Variants in OR52E5 observed in about 807,000 individuals in gnomAD.
OR52E5 encodes olfactory receptor 52E5.
intron 1 of OR52E5, among the ~76,000 whole-genome samples, chr11:5,893,483 AAGGAAGAAAAGC>A (rs1479215610): frequency 6.6e-6 from 1 of 152,164 alleles, no homozygotes; most frequent in African/African-American, 2.4e-5. Flanking sequence ...GGACATGATA[AAGGAAGAAAAGC>A]AGTAAACAAA....
In OR52E5 at chr11:5,901,699, C is replaced by T. The variant is rs941495345; in HGVS notation, c.923C>T (p.Pro308Leu). Residue 308 changes from proline to leucine, a missense_variant, in exon 3 of 3, where the codon CCT becomes CTT. Physicochemically the swap from Pro to Leu is moderately conservative, Grantham distance 98. Coordinates refer to ENST00000610445, the MANE Select transcript of OR52E5 (RefSeq NM_001005166.5). Reference protein sequence around the residue: ...IREQVLRILNPKSFWHFDPKR... With the variant: ...IREQVLRILNLKSFWHFDPKR... ...GAGCAGGTACTTAGGATACTCAACC[C>T]TAAAAGCTTTTGGCATTTTGACCCC... The T allele has an allele frequency of 2.5e-6, 1 of 400,874 alleles. No individual in the cohort carries two copies. The highest frequency in any genetic ancestry group is 4.4e-6 in the Non-Finnish European group (1 of 226,222). The allele number at this position is 400,874 out of a possible 1,614,324, so 24.8% of individuals were successfully genotyped here. A position where few individuals can be genotyped will look rare whatever the true frequency, so the allele number is the denominator to read the frequency against.
Position 5,898,548 on chromosome 11 carries a change from G to A in OR52E5, c.-145-2084G>A, listed in dbSNP as rs1847206633. The stretch of plus-strand genomic sequence containing the variant: ...CCAATGTCCAGAAAAGTTTTTCCTA[G>A]GTCTTTTAGGATTTTTGTAGTTTGA... On this transcript the variant is annotated intron_variant, in intron 2 of 2. Coordinates refer to ENST00000610445, the MANE Select transcript of OR52E5 (RefSeq NM_001005166.5). Among the ~76,000 whole-genome samples the A allele has an allele frequency of 3.3e-5, 5 of 151,982 alleles. No homozygotes were observed. The South Asian group carries it at 1.0e-3, about 32-fold the overall frequency.
At chr11:5,897,212 C>A (rs531866376) in intron 2 of OR52E5, among the ~76,000 whole-genome samples, 3 of 152,136 alleles carry the variant, frequency 2.0e-5, no homozygotes, top group Non-Finnish European at 2.9e-5. Context: ...GGGGCATAGG[C>A]TTCTAGTGAA....
In OR52E5 at chr11:5,901,574, C is replaced by T; in HGVS notation, c.798C>T (p.Asn266=). ...TCATGACACACCGCTTTGGCCACAA[C>T]ATCCCTCATTACATCCACATTCTTC... is the stretch of plus-strand genomic sequence containing the variant. The part of the protein sequence containing the change: ...FSFMTHRFGH[N]IPHYIHILLA... The change falls in exon 3 of 3, where the codon AAC becomes AAT. Residue 266 remains asparagine (N), a synonymous_variant. Transcript: ENST00000610445. 1 of 401,872 alleles carries T rather than the reference C, an allele frequency of 2.5e-6. No individual in the cohort carries two copies. The highest frequency in any genetic ancestry group is 4.4e-6 in the Non-Finnish European group (1 of 226,404). The allele number at this position is 401,872 out of a possible 1,614,324, so 24.9% of individuals were successfully genotyped here.
rs1427060263 is a variant in OR52E5 at position 5,901,725 on chromosome 11, A to C, written c.949A>C (p.Lys317Gln). Reference protein sequence around the residue: ...NPKSFWHFDPKRIFHNNSVRQ With the variant: ...NPKSFWHFDPQRIFHNNSVRQ ...TAAAAGCTTTTGGCATTTTGACCCC[A>C]AGAGGATCTTCCACAACAATTCAGT... is the stretch of plus-strand genomic sequence containing the variant. Residue 317 changes from lysine to glutamine, a missense_variant, in exon 3 of 3, where the codon AAG (lysine) becomes CAG (glutamine). By Grantham distance (53) the Lys-to-Gln change is moderately conservative. Transcript: ENST00000610445. The C allele has an allele frequency of 5.0e-6, 2 of 400,786 alleles. No homozygotes were observed. The allele number at this position is 400,786 out of a possible 1,614,324, so 24.8% of individuals were successfully genotyped here. A position where few individuals can be genotyped will look rare whatever the true frequency, so the allele number is the denominator to read the frequency against.
At chr11:5,896,440 C>T (rs1379945542) in intron 2 of OR52E5, among the ~76,000 whole-genome samples, 1 of 144,500 alleles carries the variant, frequency 6.9e-6, no homozygotes, top group Non-Finnish European at 1.5e-5. Flanking sequence ...AAAAAAAAAT[C>T]AGAGAAGAAG....
intron 1 of OR52E5, among the ~76,000 whole-genome samples, chr11:5,894,739 T>C (rs1369394089): frequency 6.6e-6 from 1 of 152,202 alleles, no homozygotes; most frequent in African/African-American, 2.4e-5. Flanking sequence ...ACTGAAATTT[T>C]ATTCTTATGG....
At position 5,901,194 on chromosome 11, in the gene OR52E5, A is replaced by G. The variant is rs185067419; in HGVS notation, c.418A>G (p.Asn140Asp). 5.0e-6 allele frequency: 2 copies of G among 401,484 alleles called. No individual in the cohort carries two copies. Among genetic ancestry groups the G allele is most frequent in the Non-Finnish European group, 8.8e-6 (2 of 226,302 alleles). 24.9% of individuals were successfully genotyped at this position (401,484 alleles called of 1,614,324 possible). Residue 140 changes from asparagine to aspartate, a missense_variant, in exon 3 of 3, where the codon AAC becomes GAC. Coordinates refer to ENST00000610445, the MANE Select transcript of OR52E5 (RefSeq NM_001005166.5). ...NPLRYSMILT[N>D]KVIAILGIVI... Reference sequence around the variant, plus strand: ...CCTGAGATATAGCATGATCCTTACCAACAAGGTAATAGCCATTCTGGGCAT... The same window carrying G: ...CCTGAGATATAGCATGATCCTTACCGACAAGGTAATAGCCATTCTGGGCAT...
chr11:5,900,457 ATATGCTAAT>A (rs1847233862), intron 2 of OR52E5, among the ~76,000 whole-genome samples, 166 bp from the exon 3 acceptor site: 1 of 152,142 alleles, frequency 6.6e-6, no homozygotes, highest in Non-Finnish European at 1.5e-5. Context: ...AGCAATAAAT[ATATGCTAAT>A]TTAATGCCAT....
At chr11:5,899,052 A>G (rs539653113) in intron 2 of OR52E5, among the ~76,000 whole-genome samples, 2 of 152,286 alleles carry the variant, frequency 1.3e-5, no homozygotes, top group East Asian at 3.9e-4. Context: ...TGATTCTTCC[A>G]GATTATGAGT....
chr11:5,898,773 T>C (rs1847210455), intron 2 of OR52E5, among the ~76,000 whole-genome samples: 2 of 152,170 alleles, frequency 1.3e-5, no homozygotes, highest in African/African-American at 2.4e-5. Context: ...TACTTCTAGG[T>C]TCTCTATTCT....
At chr11:5,897,638 C>G (rs1847193504) in intron 2 of OR52E5, among the ~76,000 whole-genome samples, 1 of 152,134 alleles carries the variant, frequency 6.6e-6, no homozygotes, top group South Asian at 2.1e-4. Context: ...GGGTAGATAT[C>G]CAATAGCGGG....
chr11:5,898,425 G>C (rs1436616583), intron 2 of OR52E5, among the ~76,000 whole-genome samples: 1 of 152,126 alleles, frequency 6.6e-6, no homozygotes, highest in Non-Finnish European at 1.5e-5. Context: ...TGGCTGCACA[G>C]AATCTTTTTA....
At chr11:5,898,330 A>G (rs1847203367) in intron 2 of OR52E5, among the ~76,000 whole-genome samples, 1 of 151,952 alleles carries the variant, frequency 6.6e-6, no homozygotes. Flanking sequence ...TTGGTTCTTG[A>G]TATTAGTCTT....
chr11:5,895,909 C>T (rs895495418), intron 2 of OR52E5, among the ~76,000 whole-genome samples, 196 bp downstream of exon 2: 8 of 151,954 alleles, frequency 5.3e-5, no homozygotes, highest in East Asian at 1.9e-4. Context: ...ATTAGCCGGG[C>T]GTGGTGGTGG....
intron 1 of OR52E5, among the ~76,000 whole-genome samples, chr11:5,893,862 C>G (rs1372589142): frequency 6.6e-6 from 1 of 152,008 alleles, no homozygotes; most frequent in East Asian, 1.9e-4. Flanking sequence ...TTAGAGAGAT[C>G]AAACCATCTC....
In OR52E5 at chr11:5,901,815, T is replaced by A; in HGVS notation, c.*55T>A. The A allele has an allele frequency of 2.5e-6, 1 of 399,456 alleles. No individual in the cohort carries two copies. Among genetic ancestry groups the A allele is most frequent in the Non-Finnish European group, 4.4e-6 (1 of 225,986 alleles). The allele number at this position is 399,456 out of a possible 1,614,324, so 24.7% of individuals were successfully genotyped here. A position where few individuals can be genotyped will look rare whatever the true frequency, so the allele number is the denominator to read the frequency against. ...CATTTTTTTTACTACTTCTCTTGCA[T>A]TCCCACATGAGCCAATAGCATTATA... On this transcript the variant is annotated 3_prime_UTR_variant, in exon 3 of 3. Coordinates refer to ENST00000610445, the MANE Select transcript of OR52E5 (RefSeq NM_001005166.5).
rs1847129493 is a variant in OR52E5 at position 5,893,284 on chromosome 11, C to T, written c.-228+14C>T. 6.6e-6 allele frequency: 1 copy of T among 152,266 alleles called. No individual in the cohort carries two copies. The highest frequency in any genetic ancestry group is 2.4e-5 in the African/African-American group (1 of 41,418). The allele number at this position is 152,266 out of a possible 1,614,324, so 9.4% of individuals were successfully genotyped here. A position where few individuals can be genotyped will look rare whatever the true frequency, so the allele number is the denominator to read the frequency against. On this transcript the variant is annotated intron_variant, in intron 1 of 2. Transcript: ENST00000610445. Reference sequence around the variant, plus strand: ...TGCGGGGCAGAGGTAGGTGAGTCAGCTCCTGGTTATGCTGAAAGAGGGTCC... The same window carrying T: ...TGCGGGGCAGAGGTAGGTGAGTCAGTTCCTGGTTATGCTGAAAGAGGGTCC...
At position 5,900,818 on chromosome 11, in the gene OR52E5, C is replaced by T. The variant is rs1018361331; in HGVS notation, c.42C>T (p.Phe14=). The T allele has an allele frequency of 2.5e-6, 1 of 401,384 alleles. No individual in the cohort carries two copies. 24.9% of individuals were successfully genotyped at this position (401,384 alleles called of 1,614,324 possible). Residue 14 remains phenylalanine (F), a synonymous_variant, in exon 3 of 3, where the codon TTC becomes TTT. Coordinates refer to ENST00000610445, the MANE Select transcript of OR52E5 (RefSeq NM_001005166.5). ...ATACACAGTTTCACCCTTCCACCTTCCTCGTAGTGGGGGTCCCAGGGCTGG... is the reference window on the plus strand; with the variant it reads ...ATACACAGTTTCACCCTTCCACCTTTCTCGTAGTGGGGGTCCCAGGGCTGG... ...TNNTQFHPST[F]LVVGVPGLED...
Sources: gnomAD v4.1 joint callset for allele counts (sites outside exome capture counted in the v4.1 genomes callset) on GRCh38, gnomAD v4.1.1 for gene constraint, MANE v1.5 for transcripts, NCBI Gene and HGNC (gene_info 2026-07-23, HGNC 2026-07-21) for gene names.